PACRG: variants seen among roughly 807,000 people sequenced by gnomAD.
The protein encoded by PACRG is parkin coregulated gene protein.
A neutral mutation model predicts 29.7 loss-of-function variants in PACRG; 29 were observed. The ratio of observed to expected loss-of-function variants is 0.98; its 90% CI spans 0.73 to 1.33. The LOEUF is 1.33. Ranked by LOEUF, PACRG falls within the 40% of genes most tolerant of loss-of-function variation. PACRG has a pLI of 0.00. For missense variants in PACRG, 279 were observed against 316.2 expected (o/e 0.88, Z 0.89); for synonymous variants, 116 against 118.7 (o/e 0.98, Z 0.15).
intron 2 of PACRG, among the ~76,000 whole-genome samples, chr6:162,841,836 C>A (rs373610007): frequency 0.073 from 11,029 of 151,656 alleles, 525 homozygotes; most frequent in South Asian, 0.22. Flanking sequence ...TTTATTTCTG[C>A]CTTCATTTCG....
chr6:162,906,293 C>A (rs934008227), intron 2 of PACRG, among the ~76,000 whole-genome samples: 2 of 152,140 alleles, frequency 1.3e-5, no homozygotes, highest in East Asian at 1.9e-4. Flanking sequence ...TTAAGTCAAT[C>A]CTCTTCCTCT....
At chr6:163,291,047 G>A (rs1784583019) in intron 4 of PACRG, among the ~76,000 whole-genome samples, 2 of 152,240 alleles carry the variant, frequency 1.3e-5, no homozygotes, top group South Asian at 4.1e-4. Context: ...AAATGCCGGT[G>A]TTCCTGGCTT....
At chr6:163,221,584 G>T (rs1335879953) in intron 4 of PACRG, among the ~76,000 whole-genome samples, 2 of 152,352 alleles carry the variant, frequency 1.3e-5, no homozygotes, top group Middle Eastern at 3.4e-3. Context: ...AGAAAGGAGG[G>T]TATTTGCAGC....
Position 163,106,533 on chromosome 6 carries a change from A to T in PACRG, c.613+17125A>T, listed in dbSNP as rs1156894194. Among the ~76,000 whole-genome samples, 6 of 145,086 alleles carry T rather than the reference A, an allele frequency of 4.1e-5. No homozygotes were observed. The East Asian group carries it at 1.3e-3, about 31-fold the overall frequency. On this transcript the variant is annotated intron_variant, in intron 4 of 4. Transcript: ENST00000366888. ...AAAAGTAAATCCAAATTCAGCCTTT[A>T]TGTAATAGTATGACATTTTTACTTT...
At chr6:163,053,790 C>G (rs1037524778) in intron 2 of PACRG, 3 of 152,162 alleles carry the variant, frequency 2.0e-5, no homozygotes. Context: ...TGCAGCTGCC[C>G]TCCCTCTATC....
intron 4 of PACRG, chr6:163,166,150 C>A (rs1006227132): frequency 2.2e-6 from 1 of 456,232 alleles, no homozygotes; most frequent in South Asian, 1.5e-5. Context: ...CGCTTGCGCC[C>A]GGCACATGTG....
intron 4 of PACRG, among the ~76,000 whole-genome samples, chr6:163,116,917 T>A (rs1005938735): frequency 6.6e-6 from 1 of 151,836 alleles, no homozygotes; most frequent in Non-Finnish European, 1.5e-5. Context: ...GAGTCGGAGG[T>A]GCTGCAGGGA....
chr6:163,300,203 A>G (rs1049511522), intron 4 of PACRG, among the ~76,000 whole-genome samples: 4 of 152,192 alleles, frequency 2.6e-5, no homozygotes, highest in Non-Finnish European at 5.9e-5. Context: ...AAGCTTGGTG[A>G]GTGAGCCTGC....
In PACRG at chr6:162,825,482, C is replaced by G. The variant is rs373055541; in HGVS notation, c.291+11201C>G. ...CTCTGTCTTCCAACTTAATAATTTA[C>G]TAGTTTAATCTACTGTATAATTTGT... On this transcript the variant is annotated intron_variant, in intron 2 of 4. Coordinates refer to ENST00000366888, the MANE Select transcript of PACRG (RefSeq NM_001080379.2). 2.8e-4 allele frequency among the ~76,000 whole-genome samples: 42 copies of G among 152,212 alleles called. No individual in the cohort carries two copies. In the South Asian group the frequency reaches 4.3e-3, roughly 16 times the overall value.
At chr6:163,281,206 G>A (rs982472280) in intron 4 of PACRG, among the ~76,000 whole-genome samples, 5 of 152,102 alleles carry the variant, frequency 3.3e-5, no homozygotes, top group East Asian at 3.9e-4. Flanking sequence ...GTGGTGGTGC[G>A]AGCTTGGGGG....
intron 3 of PACRG, among the ~76,000 whole-genome samples, chr6:163,065,924 A>C (rs1292685905): frequency 6.6e-6 from 1 of 152,220 alleles, no homozygotes; most frequent in African/African-American, 2.4e-5. Flanking sequence ...AGGCCAGAAA[A>C]GATATTAAAT....
rs1795053693 is a variant in PACRG at position 162,894,984 on chromosome 6, T to C, written c.291+80703T>C. Among the ~76,000 whole-genome samples the C allele has an allele frequency of 2.6e-5, 4 of 152,258 alleles. No individual in the cohort carries two copies. In the South Asian group the frequency reaches 8.3e-4, roughly 32 times the overall value. ...CACCAAAAAAAGTCATTCTACTACA[T>C]TGAAGATTAAAAATAAATAAGCTAC... is the stretch of plus-strand genomic sequence containing the variant. On this transcript the variant is annotated intron_variant, in intron 2 of 4. Transcript: ENST00000366888.
rs964032714 is a variant in PACRG, at chr6:163,055,566, A to G, written c.292-6584A>G. 6.6e-6 allele frequency among the ~76,000 whole-genome samples: 1 copy of G among 152,242 alleles called. No homozygotes were observed. Among genetic ancestry groups the G allele is most frequent in the Non-Finnish European group, 1.5e-5 (1 of 68,042 alleles). Reference sequence around the variant, plus strand: ...TACAAAAAATCATCCTGTAGGAAGTAGAACTGTATCTACTGTGTTAAAAAA... The same window carrying G: ...TACAAAAAATCATCCTGTAGGAAGTGGAACTGTATCTACTGTGTTAAAAAA... On this transcript the variant is annotated intron_variant, in intron 2 of 4. Transcript: ENST00000366888. The surrounding 1 kb of genome is among the most constrained non-coding windows in gnomAD (Gnocchi z 4.0).
At chr6:162,868,769 T>C (rs1009053402) in intron 2 of PACRG, among the ~76,000 whole-genome samples, 1 of 152,132 alleles carries the variant, frequency 6.6e-6, no homozygotes, top group Admixed American at 6.5e-5. Flanking sequence ...TTCCTGTAGA[T>C]GGGGAATTGT....
At chr6:162,947,774 A>C (rs543845895) in intron 2 of PACRG, among the ~76,000 whole-genome samples, 1 of 149,546 alleles carries the variant, frequency 6.7e-6, no homozygotes, top group East Asian at 2.0e-4. Context: ...ACTGAGAAAG[A>C]AATCAAGAAG....
intron 2 of PACRG, among the ~76,000 whole-genome samples, chr6:163,052,255 G>T (rs1036518565): frequency 2.4e-4 from 36 of 152,128 alleles, no homozygotes; most frequent in Non-Finnish European, 4.7e-4. Flanking sequence ...GTCACAATAA[G>T]TCTAAAGGAG....
chr6:162,846,030 G>C (rs560685859), intron 2 of PACRG, among the ~76,000 whole-genome samples: 24 of 152,154 alleles, frequency 1.6e-4, no homozygotes, highest in Non-Finnish European at 2.1e-4. Context: ...GTGACAGGGT[G>C]GGGGAGCCGG....
At chr6:163,094,255 TC>T (rs750655838) in intron 4 of PACRG, among the ~76,000 whole-genome samples, 2 of 152,226 alleles carry the variant, frequency 1.3e-5, no homozygotes, top group Non-Finnish European at 2.9e-5. Flanking sequence ...TTCAGGTTCA[TC>T]CCCCATGGAA....
intron 4 of PACRG, among the ~76,000 whole-genome samples, chr6:163,188,405 G>A (rs1449350727): frequency 1.3e-5 from 2 of 152,166 alleles, no homozygotes; most frequent in South Asian, 2.1e-4. Flanking sequence ...TTAAGCCCCC[G>A]AAGCTACAGT....
Sources: gnomAD v4.1 joint callset for allele counts (sites outside exome capture counted in the v4.1 genomes callset) on GRCh38, gnomAD v4.1.1 for gene constraint, Gnocchi (gnomAD v3.1) non-coding constraint, MANE v1.5 for transcripts, NCBI Gene and HGNC (gene_info 2026-07-23, HGNC 2026-07-21) for gene names.